CSNK2A2IP: variants seen among roughly 807,000 people sequenced by gnomAD.
CSNK2A2IP encodes the protein casein kinase 2 subunit alpha' interacting protein.
At chr3:88,383,660 T>A in the CSNK2A2IP span, among the ~76,000 whole-genome samples, 1 of 117,020 alleles carries the variant, frequency 8.5e-6, no homozygotes, top group South Asian at 3.6e-4. Context: ...TCTTTTTTTT[T>A]TTTTTTTTTT....
the CSNK2A2IP span, among the ~76,000 whole-genome samples, chr3:88,444,703 G>A: frequency 4.6e-5 from 7 of 152,180 alleles, no homozygotes; most frequent in Non-Finnish European, 8.8e-5. Flanking sequence ...ACGGCTAGGG[G>A]TGTTCTGCTA....
At chr3:88,451,087 ATATT>A in the CSNK2A2IP span, among the ~76,000 whole-genome samples, 1 of 152,068 alleles carries the variant, frequency 6.6e-6, no homozygotes, top group Admixed American at 6.6e-5. Flanking sequence ...TTTTTGAAAA[ATATT>A]TATTATTTAT....
At chr3:88,392,104 G>A in the CSNK2A2IP span, among the ~76,000 whole-genome samples, 1 of 152,188 alleles carries the variant, frequency 6.6e-6, no homozygotes, top group Non-Finnish European at 1.5e-5. Context: ...GGAATAGCTA[G>A]GAACATGCCC....
the CSNK2A2IP span, among the ~76,000 whole-genome samples, chr3:88,460,092 T>C: frequency 1.5e-3 from 225 of 152,294 alleles, 1 homozygote; most frequent in African/African-American, 4.9e-3. Context: ...CATATAACAT[T>C]ATAAATATCT....
the CSNK2A2IP span, among the ~76,000 whole-genome samples, chr3:88,357,991 T>C: frequency 6.6e-6 from 1 of 152,168 alleles, no homozygotes; most frequent in Non-Finnish European, 1.5e-5. Flanking sequence ...CCTCTCAAAA[T>C]GCTTGAGCCA....
At chr3:88,376,995 C>T in the CSNK2A2IP span, among the ~76,000 whole-genome samples, 2 of 151,744 alleles carry the variant, frequency 1.3e-5, no homozygotes, top group African/African-American at 4.8e-5. Context: ...CAATCATTGT[C>T]TCAGTTTCCT....
chr3:88,356,703 A>G, the CSNK2A2IP span, among the ~76,000 whole-genome samples: 1 of 152,128 alleles, frequency 6.6e-6, no homozygotes, highest in East Asian at 1.9e-4. Flanking sequence ...ACTAACTTAC[A>G]TTCACATCAA....
the CSNK2A2IP span, among the ~76,000 whole-genome samples, chr3:88,386,362 G>C: frequency 6.6e-6 from 1 of 152,170 alleles, no homozygotes; most frequent in Non-Finnish European, 1.5e-5. Flanking sequence ...CTGACCTCAG[G>C]TGATCCACCT....
At chr3:88,458,243 C>G in the CSNK2A2IP span, among the ~76,000 whole-genome samples, 1 of 145,358 alleles carries the variant, frequency 6.9e-6, no homozygotes, top group East Asian at 2.1e-4. Context: ...CTCTGCCTCT[C>G]GAGTTCAAGC....
the CSNK2A2IP span, among the ~76,000 whole-genome samples, chr3:88,388,403 C>T: frequency 6.6e-6 from 1 of 152,134 alleles, no homozygotes; most frequent in African/African-American, 2.4e-5. Context: ...GATCAAGCTT[C>T]AATATATAAA....
chr3:88,407,898 A>G, the CSNK2A2IP span, among the ~76,000 whole-genome samples: 3 of 151,746 alleles, frequency 2.0e-5, no homozygotes, highest in Non-Finnish European at 2.9e-5. Flanking sequence ...TAATTTTTGT[A>G]TTTTTAATAG....
At chr3:88,408,769 C>T in the CSNK2A2IP span, among the ~76,000 whole-genome samples, 1 of 151,952 alleles carries the variant, frequency 6.6e-6, no homozygotes, top group African/African-American at 2.4e-5. Context: ...TATTAAATGG[C>T]ACCACACTGT....
the CSNK2A2IP span, among the ~76,000 whole-genome samples, chr3:88,385,552 G>A: frequency 6.6e-6 from 1 of 152,082 alleles, no homozygotes; most frequent in Non-Finnish European, 1.5e-5. Flanking sequence ...TTTGAAATGA[G>A]ATAGTACCTG....
the CSNK2A2IP span, among the ~76,000 whole-genome samples, chr3:88,381,602 T>A: frequency 1.3e-5 from 2 of 152,094 alleles, no homozygotes; most frequent in Non-Finnish European, 2.9e-5. Context: ...AATAAGTGAG[T>A]GGTTCTCAAG....
the CSNK2A2IP span, among the ~76,000 whole-genome samples, chr3:88,403,255 T>C: frequency 6.6e-6 from 1 of 152,112 alleles, no homozygotes; most frequent in Admixed American, 6.6e-5. Context: ...GGCTCTGCAA[T>C]ATTTTTATTA....
At chr3:88,439,574 TC>T in the CSNK2A2IP span, among the ~76,000 whole-genome samples, 1 of 151,652 alleles carries the variant, frequency 6.6e-6, no homozygotes, top group Non-Finnish European at 1.5e-5. Flanking sequence ...AAACCCTGTC[TC>T]TACTAAAAAT....
the CSNK2A2IP span, among the ~76,000 whole-genome samples, chr3:88,370,615 T>C: frequency 0.017 from 956 of 56,596 alleles, 10 homozygotes; most frequent in Middle Eastern, 0.078. Context: ...TCTCTCTCTT[T>C]CTTTCTTTCT....
At chr3:88,348,058 G>A in the CSNK2A2IP span, among the ~76,000 whole-genome samples, 1 of 151,912 alleles carries the variant, frequency 6.6e-6, no homozygotes, top group African/African-American at 2.4e-5. Context: ...CTAATTACAG[G>A]TTTTATATGG....
At chr3:88,374,058 A>G in the CSNK2A2IP span, among the ~76,000 whole-genome samples, 28 of 151,814 alleles carry the variant, frequency 1.8e-4, no homozygotes, top group African/African-American at 6.3e-4. Flanking sequence ...AACAATACCA[A>G]TTCTATACAG....
Sources: allele counts gnomAD v4.1 joint callset (sites outside exome capture counted in the v4.1 genomes callset), GRCh38; gene constraint gnomAD v4.1.1; transcripts MANE v1.5; gene names NCBI Gene and HGNC (gene_info 2026-07-23, HGNC 2026-07-21).